The following DHRS7B variants were observed in gnomAD, a reference collection of about 807,000 sequenced individuals.
The protein encoded by DHRS7B is peroxisomal reductase activating PPAR-gamma.
DHRS7B carries 24 observed loss-of-function variants against 26.4 expected under a neutral mutation model. The ratio of observed to expected loss-of-function variants is 0.91; its 90% confidence interval spans 0.66 to 1.28. The LOEUF is 1.28. Ranked by LOEUF, DHRS7B falls within the 50% of genes most tolerant of loss-of-function variation. The pLI, the probability that DHRS7B is intolerant of heterozygous loss-of-function variation, is 0.00. For missense variants in DHRS7B, 368 were observed against 419.4 expected (o/e 0.88, Z 1.07); for synonymous variants, 142 against 166.4 (o/e 0.85, Z 1.13).
chr17:21,164,013 T>C (rs1357989540), intron 1 of DHRS7B, among the ~76,000 whole-genome samples: 1 of 145,694 alleles, frequency 6.9e-6, no homozygotes, highest in Admixed American at 7.1e-5. Flanking sequence ...TGAGTGCAGA[T>C]ATTGTCAATT....
At chr17:21,176,639 A>G (rs1471337138) in intron 2 of DHRS7B, among the ~76,000 whole-genome samples, 1 of 151,974 alleles carries the variant, frequency 6.6e-6, no homozygotes, top group Admixed American at 6.5e-5. Flanking sequence ...TACAAAAATG[A>G]CAATTGACAC....
At chr17:21,167,249 C>T (rs2144090078) in intron 1 of DHRS7B, among the ~76,000 whole-genome samples, 1 of 152,218 alleles carries the variant, frequency 6.6e-6, no homozygotes, top group East Asian at 1.9e-4. Flanking sequence ...GTGGGTTCAG[C>T]AGAAAGTAAA....
intron 1 of DHRS7B, chr17:21,127,664 G>A (rs143202971): frequency 1.3e-5 from 2 of 152,416 alleles, no homozygotes; most frequent in East Asian, 3.9e-4. Context: ...ATGAGACTGC[G>A]CGTGCAAGGT....
At chr17:21,150,201 CGAGGA>C (rs1567619856) in intron 1 of DHRS7B, among the ~76,000 whole-genome samples, 2 of 149,760 alleles carry the variant, frequency 1.3e-5, no homozygotes, top group African/African-American at 5.0e-5. Flanking sequence ...GTATGGCAGA[CGAGGA>C]GGCTGGTAAA....
intron 1 of DHRS7B, among the ~76,000 whole-genome samples, chr17:21,133,788 G>C (rs1415129623): frequency 6.6e-6 from 1 of 152,132 alleles, no homozygotes; most frequent in Admixed American, 6.5e-5. Flanking sequence ...GTCCTGTGAA[G>C]AGAAAATGGG....
chr17:21,179,751 C>G (rs1171150042), intron 3 of DHRS7B, among the ~76,000 whole-genome samples: 4 of 146,500 alleles, frequency 2.7e-5, no homozygotes, highest in Middle Eastern at 3.3e-3. Context: ...CACTCAGTAT[C>G]TTTTCACTTT....
chr17:21,185,774 G>A (rs1408045571), intron 5 of DHRS7B, among the ~76,000 whole-genome samples: 1 of 151,394 alleles, frequency 6.6e-6, no homozygotes, highest in East Asian at 1.9e-4. Flanking sequence ...TACAACCTCC[G>A]CCTCCCGGGT....
chr17:21,139,625 G>A (rs539476126), intron 1 of DHRS7B, among the ~76,000 whole-genome samples: 1 of 151,800 alleles, frequency 6.6e-6, no homozygotes, highest in Admixed American at 6.6e-5. Context: ...AGTGAGCCAA[G>A]ATCGCGCCAC....
At chr17:21,186,861 C>T (rs1265130485) in intron 5 of DHRS7B, among the ~76,000 whole-genome samples, 1 of 152,080 alleles carries the variant, frequency 6.6e-6, no homozygotes, top group Non-Finnish European at 1.5e-5. Flanking sequence ...AAGCCACTGC[C>T]TGGACATTTG....
chr17:21,141,633 A>C (rs534802718), intron 1 of DHRS7B, among the ~76,000 whole-genome samples: 6 of 145,222 alleles, frequency 4.1e-5, no homozygotes, highest in East Asian at 3.9e-4. Context: ...AAAAAAAAAA[A>C]AAAAAAACAA....
In DHRS7B at chr17:21,183,638, C is replaced by G; in HGVS notation, c.354C>G (p.Asp118Glu). 6.2e-7 allele frequency: 1 copy of G among 1,613,964 alleles called. No individual in the cohort carries two copies. The highest frequency in any genetic ancestry group is 1.3e-5 in the African/African-American group (1 of 75,052). Residue 118 changes from aspartate to glutamate, a missense_variant, in exon 4 of 7, where the codon GAC becomes GAG. Transcript: ENST00000395511. ...KPYLVTFDLT[D>E]SGAIVAAAAE... ...ACTTGGTGACCTTCGACCTCACAGACTCTGGGGCCATAGTTGCAGCAGCAG... is the reference window on the plus strand; with the variant it reads ...ACTTGGTGACCTTCGACCTCACAGAGTCTGGGGCCATAGTTGCAGCAGCAG...
At chr17:21,163,577 A>C (rs1392522056) in intron 1 of DHRS7B, among the ~76,000 whole-genome samples, 1 of 152,226 alleles carries the variant, frequency 6.6e-6, no homozygotes, top group African/African-American at 2.4e-5. Context: ...ATAAATGACC[A>C]GATTACCTAG....
chr17:21,135,407 T>G (rs114955431), intron 1 of DHRS7B, among the ~76,000 whole-genome samples: 2,967 of 152,286 alleles, frequency 0.019, 112 homozygotes, highest in African/African-American at 0.068. Flanking sequence ...CATAATTTAT[T>G]ATTTGATTTG....
intron 1 of DHRS7B, chr17:21,168,875 C>T: frequency 1.0e-6 from 1 of 985,434 alleles, no homozygotes; most frequent in Non-Finnish European, 1.2e-6. Context: ...TCAAGGAATC[C>T]CAGAAGTGTA....
intron 1 of DHRS7B, 102 bp downstream of exon 1, chr17:21,127,093 C>A: frequency 7.9e-7 from 1 of 1,265,494 alleles, no homozygotes; most frequent in South Asian, 1.8e-5. Context: ...GTGTAGTGGT[C>A]GAGCTAAGGC....
intron 1 of DHRS7B, among the ~76,000 whole-genome samples, chr17:21,169,881 C>T (rs993785891): frequency 8.6e-5 from 13 of 152,016 alleles, no homozygotes; most frequent in Non-Finnish European, 1.5e-5. Flanking sequence ...CCCTTTCATA[C>T]CTCAAGCTCA....
intron 1 of DHRS7B, among the ~76,000 whole-genome samples, chr17:21,159,447 G>A (rs1452579575): frequency 2.0e-5 from 3 of 151,556 alleles, no homozygotes; most frequent in Non-Finnish European, 2.9e-5. Context: ...AGTAGAGACG[G>A]GGTTTCACTG....
intron 1 of DHRS7B, among the ~76,000 whole-genome samples, chr17:21,163,653 CTGAT>C (rs1262920414): frequency 2.6e-5 from 4 of 152,192 alleles, no homozygotes; most frequent in African/African-American, 9.7e-5. Context: ...ATGTTTGTTA[CTGAT>C]TGTTCTCCTC....
At chr17:21,188,362 G>A (rs998097628) in intron 5 of DHRS7B, among the ~76,000 whole-genome samples, 3 of 152,090 alleles carry the variant, frequency 2.0e-5, no homozygotes, top group African/African-American at 7.2e-5. Flanking sequence ...CATTTGAAAG[G>A]AAACTGGAGA....
Sources: allele counts gnomAD v4.1 joint callset (sites outside exome capture counted in the v4.1 genomes callset), GRCh38; gene constraint gnomAD v4.1.1; transcripts MANE v1.5; gene names NCBI Gene and HGNC (gene_info 2026-07-23, HGNC 2026-07-21).